The following NEGR1 variants were observed in gnomAD, a reference collection of about 807,000 sequenced individuals.
NEGR1 encodes neuronal growth regulator 1.
Under a neutral mutation model 40.9 loss-of-function variants are expected in NEGR1, and 10 were observed. That is an observed-to-expected ratio of 0.24 (90% confidence interval 0.15 to 0.42). NEGR1 has a LOEUF of 0.42. Among genes scored for constraint, NEGR1 ranks in the 10% least tolerant of loss-of-function variants. The probability of loss-of-function intolerance (pLI) is 1.00; values close to 1 mark genes in which losing one functional copy is unlikely to be tolerated. For missense variants in NEGR1, 352 were observed against 438.9 expected (o/e 0.80, Z 1.77); for synonymous variants, 185 against 166.8 (o/e 1.11, Z -0.84).
At chr1:71,738,871 T>C (rs1288605423) in intron 3 of NEGR1, among the ~76,000 whole-genome samples, 3 of 152,290 alleles carry the variant, frequency 2.0e-5, no homozygotes, top group East Asian at 1.9e-4. Context: ...ATACATTGTA[T>C]GTAACAATAA....
intron 1 of NEGR1, among the ~76,000 whole-genome samples, chr1:72,061,161 A>G (rs1647166250): frequency 6.6e-6 from 1 of 151,718 alleles, no homozygotes; most frequent in African/African-American, 2.4e-5. Flanking sequence ...AGAAAAGATT[A>G]ACATAAAAAA....
intron 2 of NEGR1, among the ~76,000 whole-genome samples, chr1:71,927,325 G>C (rs992217330): frequency 6.6e-6 from 1 of 152,084 alleles, no homozygotes; most frequent in African/African-American, 2.4e-5. Flanking sequence ...AAGCACAGAT[G>C]GTGAACCTGA....
intron 4 of NEGR1, among the ~76,000 whole-genome samples, chr1:71,634,310 G>A (rs1268321282): frequency 1.3e-5 from 2 of 152,072 alleles, no homozygotes; most frequent in African/African-American, 4.8e-5. Context: ...TGCACCCAGT[G>A]GGTGGCTCAG....
At chr1:72,015,865 C>G (rs1646705308) in intron 1 of NEGR1, among the ~76,000 whole-genome samples, 1 of 151,814 alleles carries the variant, frequency 6.6e-6, no homozygotes. Flanking sequence ...AAGTCCATGA[C>G]CAAAATAATC....
At chr1:72,242,004 T>C (rs1654760971) in intron 1 of NEGR1, among the ~76,000 whole-genome samples, 1 of 151,476 alleles carries the variant, frequency 6.6e-6, no homozygotes, top group South Asian at 2.1e-4. Flanking sequence ...CTGCTTTCCT[T>C]TCCCAAAAGA....
chr1:72,069,437 C>A (rs1053832278), intron 1 of NEGR1, among the ~76,000 whole-genome samples: 1 of 149,836 alleles, frequency 6.7e-6, no homozygotes, highest in African/African-American at 2.5e-5. Flanking sequence ...CAGCAAGACT[C>A]TGTTAAAAAA....
intron 3 of NEGR1, among the ~76,000 whole-genome samples, chr1:71,701,345 G>A (rs948800276): frequency 1.3e-5 from 2 of 151,922 alleles, no homozygotes; most frequent in African/African-American, 4.8e-5. Context: ...GTGGCTGTTA[G>A]CTTACAGCCA....
chr1:71,755,121 C>T (rs138654946), intron 3 of NEGR1, among the ~76,000 whole-genome samples: 54 of 152,112 alleles, frequency 3.6e-4, no homozygotes, highest in Non-Finnish European at 6.5e-4. Flanking sequence ...TTTCAAATAT[C>T]CTTCTCCTCT....
chr1:71,786,603 T>C (rs1418377857), intron 2 of NEGR1, among the ~76,000 whole-genome samples: 1 of 151,962 alleles, frequency 6.6e-6, no homozygotes, highest in Non-Finnish European at 1.5e-5. Flanking sequence ...AGGGAGTGAG[T>C]TTGGGTCCAT....
At chr1:71,657,758 G>A (rs1651923101) in intron 4 of NEGR1, among the ~76,000 whole-genome samples, 1 of 152,090 alleles carries the variant, frequency 6.6e-6, no homozygotes, top group African/African-American at 2.4e-5. Flanking sequence ...TTTGATAATA[G>A]ATAATGAGGA....
intron 4 of NEGR1, among the ~76,000 whole-genome samples, chr1:71,683,290 C>T (rs945376097): frequency 4.6e-5 from 7 of 151,832 alleles, no homozygotes; most frequent in African/African-American, 1.5e-4. Flanking sequence ...TTTAAAGATC[C>T]CTGGACTTTG....
intron 4 of NEGR1, among the ~76,000 whole-genome samples, chr1:71,633,129 G>T (rs563005100): frequency 6.6e-6 from 1 of 152,086 alleles, no homozygotes; most frequent in East Asian, 1.9e-4. Context: ...AATTTAATAT[G>T]TAACACTCTC....
intron 6 of NEGR1, among the ~76,000 whole-genome samples, chr1:71,497,810 T>C (rs961849681): frequency 6.6e-6 from 1 of 152,138 alleles, no homozygotes; most frequent in African/African-American, 2.4e-5. Context: ...ACCTAACACT[T>C]GTGTTTTCTG....
At chr1:72,257,082 G>T (rs144642134) in intron 1 of NEGR1, among the ~76,000 whole-genome samples, 35,008 of 151,948 alleles carry the variant, frequency 0.23, 4,887 homozygotes, top group South Asian at 0.31. Flanking sequence ...CAGCACTTTG[G>T]GAGGCCGAGG....
chr1:71,861,136 G>T (rs1659933307), intron 2 of NEGR1, among the ~76,000 whole-genome samples: 1 of 152,030 alleles, frequency 6.6e-6, no homozygotes, highest in Non-Finnish European at 1.5e-5. Context: ...CACAGTCTCT[G>T]GAGCTAGCAG....
At chr1:71,601,741 T>G (rs1395308082) in intron 5 of NEGR1, among the ~76,000 whole-genome samples, 1 of 152,026 alleles carries the variant, frequency 6.6e-6, no homozygotes, top group African/African-American at 2.4e-5. Context: ...CACTTATAAG[T>G]GGGAGTTAAA....
chr1:71,724,133 A>T (rs578008072), intron 3 of NEGR1, among the ~76,000 whole-genome samples: 41 of 152,254 alleles, frequency 2.7e-4, no homozygotes, highest in African/African-American at 9.1e-4. Context: ...AAATTGTCCC[A>T]CAGCTTACTG....
intron 6 of NEGR1, among the ~76,000 whole-genome samples, chr1:71,458,745 A>G (rs902824232): frequency 2.0e-5 from 3 of 152,210 alleles, no homozygotes; most frequent in Non-Finnish European, 4.4e-5. Flanking sequence ...CACAGGACAT[A>G]TATTTCTAGA....
chr1:71,698,162 T>C (rs1317689566), intron 3 of NEGR1, 23 bp from the exon 4 acceptor site: 3 of 1,605,012 alleles, frequency 1.9e-6, no homozygotes, highest in South Asian at 1.1e-5. Flanking sequence ...ATACAGCATG[T>C]TTAATTGTAG....
Sources: allele counts gnomAD v4.1 joint callset (sites outside exome capture counted in the v4.1 genomes callset), GRCh38; gene constraint gnomAD v4.1.1; transcripts MANE v1.5; gene names NCBI Gene and HGNC (gene_info 2026-07-23, HGNC 2026-07-21).